The following ARHGAP26 variants were observed in gnomAD, a reference collection of about 807,000 sequenced individuals.
The protein encoded by ARHGAP26 is rho GTPase-activating protein 26.
In ARHGAP26, 38 loss-of-function variants were observed where a neutral mutation model predicts 104.8. The ratio of observed to expected loss-of-function variants is 0.36; its 90% CI spans 0.28 to 0.48. The LOEUF (loss-of-function observed/expected upper bound fraction) is 0.48. ARHGAP26 is among the 20% of genes least tolerant of loss of function. ARHGAP26 has a pLI of 0.99. For synonymous variants in ARHGAP26, 341 were observed against 340.0 expected (o/e 1.00, Z -0.03); for missense variants, 704 against 947.9 (o/e 0.74, Z 3.38).
intron 11 of ARHGAP26, among the ~76,000 whole-genome samples, chr5:142,971,096 A>AT (rs1772199201): frequency 1.3e-5 from 2 of 152,004 alleles, no homozygotes; most frequent in South Asian, 2.1e-4. Context: ...TTTGAAAATA[A>AT]TTTTTTTTCA....
chr5:143,027,175 GTTT>G (rs10551710), intron 12 of ARHGAP26, among the ~76,000 whole-genome samples: 10 of 140,970 alleles, frequency 7.1e-5, no homozygotes, highest in South Asian at 2.2e-4. Flanking sequence ...GATTTTTTGT[GTTT>G]TTTTTTTTTT....
intron 10 of ARHGAP26, among the ~76,000 whole-genome samples, chr5:142,914,062 A>G (rs1384139654): frequency 6.6e-6 from 1 of 152,222 alleles, no homozygotes; most frequent in African/African-American, 2.4e-5. Flanking sequence ...GTATAATGCC[A>G]TTTAATCTCT....
At chr5:142,963,196 ATATG>A (rs769018789) in intron 11 of ARHGAP26, among the ~76,000 whole-genome samples, 12 of 100,750 alleles carry the variant, frequency 1.2e-4, no homozygotes, top group African/African-American at 2.0e-4. Context: ...ATATATATAT[ATATG>A]TGTGTGTGTG....
intron 18 of ARHGAP26, among the ~76,000 whole-genome samples, chr5:143,127,892 A>C (rs950180561): frequency 6.6e-6 from 1 of 152,236 alleles, no homozygotes; most frequent in South Asian, 2.1e-4. Context: ...ATGCTTCACT[A>C]TGTTGAAATA....
Position 143,222,622 on chromosome 5 carries a change from A to C in ARHGAP26, c.*176A>C, listed in dbSNP as rs1045654505. On this transcript the variant is annotated 3_prime_UTR_variant, in exon 23 of 23. Coordinates refer to ENST00000645722, the MANE Select transcript of ARHGAP26 (RefSeq NM_001135608.3). ...TGTCACTCATCTCCATGATCATCTC[A>C]GCCAACATGCATCAGTACTGCAAGA... 4.9e-5 allele frequency: 23 copies of C among 465,410 alleles called. No individual in the cohort carries two copies. The highest frequency in any genetic ancestry group is 7.7e-5 in the African/African-American group (4 of 51,824). The allele number at this position is 465,410 out of a possible 1,614,324, so 28.8% of individuals were successfully genotyped here.
chr5:142,963,198 A>ATATATATGTGTGTGTGTGTGTGTGTGTG (rs869247749), intron 11 of ARHGAP26, among the ~76,000 whole-genome samples: 3 of 98,326 alleles, frequency 3.1e-5, no homozygotes, highest in East Asian at 9.4e-4. Context: ...ATATATATAT[A>ATATATATGTGTGTGTGTGTGTGTGTGTG]TGTGTGTGTG....
At chr5:142,947,109 A>AAAAAAAG in intron 11 of ARHGAP26, 1 of 150,378 alleles carries the variant, frequency 6.6e-6, no homozygotes, top group Non-Finnish European at 1.5e-5. Context: ...AAAAAAAAAA[A>AAAAAAAG]AAAAAAAAAA....
intron 1 of ARHGAP26, among the ~76,000 whole-genome samples, chr5:142,863,237 A>G (rs1753684636): frequency 6.6e-6 from 1 of 151,488 alleles, no homozygotes; most frequent in Non-Finnish European, 1.5e-5. Flanking sequence ...CAGCCTCCCG[A>G]GTAGCTGTGA....
chr5:143,130,517 A>G (rs529566272), intron 18 of ARHGAP26, among the ~76,000 whole-genome samples: 2 of 152,290 alleles, frequency 1.3e-5, no homozygotes, highest in African/African-American at 4.8e-5. Flanking sequence ...CATGGCTCAT[A>G]GGTTATATGA....
intron 1 of ARHGAP26, among the ~76,000 whole-genome samples, chr5:142,813,183 C>T (rs936878403): frequency 1.6e-4 from 24 of 152,138 alleles, no homozygotes; most frequent in Admixed American, 1.4e-3. Flanking sequence ...CCTCGTGATC[C>T]ACCCGCCTTG....
At chr5:143,054,566 TATC>T (rs1562337893) in intron 15 of ARHGAP26, 40 bp downstream of exon 15, 1 of 1,415,468 alleles carries the variant, frequency 7.1e-7, no homozygotes, top group Non-Finnish European at 9.8e-7. Flanking sequence ...GCCAGCTAGT[TATC>T]ATGCAATCAG....
intron 9 of ARHGAP26, among the ~76,000 whole-genome samples, chr5:142,912,674 G>T (rs1455115730): frequency 6.6e-6 from 1 of 152,142 alleles, no homozygotes; most frequent in African/African-American, 2.4e-5. Flanking sequence ...CTGTTCTCAG[G>T]GTCCTGTGGT....
At chr5:142,936,164 G>A (rs1367693402) in intron 11 of ARHGAP26, among the ~76,000 whole-genome samples, 1 of 147,648 alleles carries the variant, frequency 6.8e-6, no homozygotes, top group African/African-American at 2.6e-5. Context: ...ATAATTAGTA[G>A]GTGAGTTCAG....
intron 11 of ARHGAP26, among the ~76,000 whole-genome samples, chr5:143,002,431 T>G (rs1022400182): frequency 6.6e-6 from 1 of 152,178 alleles, no homozygotes; most frequent in African/African-American, 2.4e-5. Context: ...AGACATTCTC[T>G]GTTTAGTATT....
At chr5:142,879,543 A>G (rs2152384418) in intron 4 of ARHGAP26, 98 bp downstream of exon 4, 1 of 1,139,216 alleles carries the variant, frequency 8.8e-7, no homozygotes, top group South Asian at 1.6e-5. Flanking sequence ...TGTCTTCAGA[A>G]AATCGAAGCC....
At chr5:143,104,422 A>T (rs142949893) in intron 17 of ARHGAP26, among the ~76,000 whole-genome samples, 7,420 of 152,152 alleles carry the variant, frequency 0.049, 606 homozygotes, top group African/African-American at 0.17. Flanking sequence ...GAGGCAGGAG[A>T]ATCGCTTGAG....
chr5:142,920,426 T>C (rs144886894), intron 10 of ARHGAP26, among the ~76,000 whole-genome samples: 261 of 152,364 alleles, frequency 1.7e-3, no homozygotes, highest in African/African-American at 5.9e-3. Flanking sequence ...CTCACAGATG[T>C]AAGTGACACG....
At chr5:142,933,118 C>T (rs561439080) in intron 11 of ARHGAP26, among the ~76,000 whole-genome samples, 57 of 152,284 alleles carry the variant, frequency 3.7e-4, no homozygotes, top group African/African-American at 1.2e-3. Context: ...TCTCTGTATA[C>T]GTTGTTACCC....
chr5:143,111,068 C>A (rs1794720127), intron 17 of ARHGAP26, among the ~76,000 whole-genome samples: 1 of 152,226 alleles, frequency 6.6e-6, no homozygotes, highest in Admixed American at 6.5e-5. Flanking sequence ...AAGTATCATT[C>A]TTCTTGGGTT....
Sources: allele counts gnomAD v4.1 joint callset (sites outside exome capture counted in the v4.1 genomes callset), GRCh38; gene constraint gnomAD v4.1.1; transcripts MANE v1.5; gene names NCBI Gene and HGNC (gene_info 2026-07-23, HGNC 2026-07-21).